NFIB: variants seen among roughly 807,000 people sequenced by gnomAD.
NFIB encodes the protein nuclear factor I B.
NFIB carries 11 observed loss-of-function variants against 61.5 expected under a neutral mutation model. The observed-to-expected ratio is 0.18, with a 90% CI of 0.11 to 0.30. NFIB has a LOEUF of 0.30. Among genes scored for constraint, NFIB ranks in the 10% least tolerant of loss-of-function variants. The pLI is 1.00. For missense variants in NFIB, 471 were observed against 608.9 expected (o/e 0.77, Z 2.38); for synonymous variants, 260 against 216.5 (o/e 1.20, Z -1.76).
chr9:14,304,259 A>G (rs1176830726), intron 2 of NFIB, among the ~76,000 whole-genome samples: 2 of 152,250 alleles, frequency 1.3e-5, no homozygotes, highest in Non-Finnish European at 2.9e-5. Context: ...GGGTTGAACC[A>G]AAAGAGAAAG....
chr9:14,426,207 T>C, the NFIB span, among the ~76,000 whole-genome samples: 1 of 152,076 alleles, frequency 6.6e-6, no homozygotes, highest in East Asian at 1.9e-4. Flanking sequence ...CAGAGCGCTC[T>C]GTTCATAGCA....
chr9:14,421,114 A>G, the NFIB span, among the ~76,000 whole-genome samples: 1 of 150,844 alleles, frequency 6.6e-6, no homozygotes, highest in East Asian at 1.9e-4. Flanking sequence ...CATGTATACC[A>G]TGTGCAAAAC....
the NFIB span, among the ~76,000 whole-genome samples, chr9:14,410,858 T>A: frequency 6.6e-6 from 1 of 152,232 alleles, no homozygotes. Context: ...AAATTCAGAC[T>A]CATTCATTTC....
At chr9:14,116,691 C>A (rs2038197235) in intron 8 of NFIB, among the ~76,000 whole-genome samples, 1 of 152,252 alleles carries the variant, frequency 6.6e-6, no homozygotes, top group Non-Finnish European at 1.5e-5. Flanking sequence ...GAATTCCTTA[C>A]TGAACTAGCT....
chr9:14,307,799 C>A lies in NFIB; in HGVS notation c.31-279G>T. On this transcript the variant is annotated intron_variant, in intron 1 of 10. Transcript: ENST00000380953. The surrounding 1 kb of genome is among the most constrained non-coding windows in gnomAD (Gnocchi z 5.3). ...TTGTATTACACTCTGGCCCCATCCC[C>A]CTTGTTTCCACCCCAATGCCATGCA... The A allele has an allele frequency of 3.5e-6, 1 of 285,730 alleles. No individual in the cohort carries two copies. The highest frequency in any genetic ancestry group is 6.6e-6 in the Non-Finnish European group (1 of 152,260). The allele number at this position is 285,730 out of a possible 1,614,324, so 17.7% of individuals were successfully genotyped here.
At chr9:14,148,498 C>T (rs747058448) in intron 5 of NFIB, among the ~76,000 whole-genome samples, 24 of 152,036 alleles carry the variant, frequency 1.6e-4, no homozygotes, top group Admixed American at 3.9e-4. Context: ...ATTCACTTTT[C>T]GCAGCAATAA....
intron 2 of NFIB, among the ~76,000 whole-genome samples, chr9:14,277,373 T>C (rs2058074202): frequency 1.3e-5 from 2 of 149,958 alleles, no homozygotes; most frequent in South Asian, 2.1e-4. Flanking sequence ...ACACACATTT[T>C]TGAATCATTA....
the NFIB span, among the ~76,000 whole-genome samples, chr9:14,426,663 A>T: frequency 6.6e-6 from 1 of 152,166 alleles, no homozygotes; most frequent in Non-Finnish European, 1.5e-5. Flanking sequence ...CCCTTCCTCC[A>T]ACCATTCCTC....
At chr9:14,308,265 CAGA>C (rs1380118402) in intron 1 of NFIB, among the ~76,000 whole-genome samples, 8 of 152,126 alleles carry the variant, frequency 5.3e-5, no homozygotes, top group Admixed American at 2.6e-4. Context: ...GTGTCCTGAA[CAGA>C]AGGTTTCCAT....
chr9:14,306,852 G>A (rs1205079729), intron 2 of NFIB, 137 bp downstream of exon 2: 7 of 1,010,100 alleles, frequency 6.9e-6, no homozygotes, highest in African/African-American at 6.4e-5. Context: ...GAGTGAAAGC[G>A]GACACCCTAC....
At chr9:14,257,894 A>AT (rs150629739) in intron 2 of NFIB, among the ~76,000 whole-genome samples, 2,848 of 151,822 alleles carry the variant, frequency 0.019, 94 homozygotes, top group African/African-American at 0.064. Context: ...AAAAAATGAG[A>AT]TTTTTTTTTA....
At chr9:14,305,197 G>A (rs572291267) in intron 2 of NFIB, among the ~76,000 whole-genome samples, 1 of 152,058 alleles carries the variant, frequency 6.6e-6, no homozygotes, top group Non-Finnish European at 1.5e-5. Context: ...AAAACTAAGA[G>A]AGCTGGCTGC....
chr9:14,485,773 G>C, the NFIB span, among the ~76,000 whole-genome samples: 5 of 152,094 alleles, frequency 3.3e-5, no homozygotes, highest in Admixed American at 3.3e-4. Context: ...TACTCAGGAG[G>C]CTGAGGCAGG....
At chr9:14,225,212 T>C (rs1302068137) in intron 2 of NFIB, among the ~76,000 whole-genome samples, 2 of 152,074 alleles carry the variant, frequency 1.3e-5, no homozygotes, top group African/African-American at 4.8e-5. Flanking sequence ...ACATTTGCTT[T>C]GGATATCCAA....
At chr9:14,450,431 G>A in the NFIB span, among the ~76,000 whole-genome samples, 8 of 152,070 alleles carry the variant, frequency 5.3e-5, no homozygotes, top group East Asian at 1.9e-4. Context: ...ATTATAGTTC[G>A]TTTCAAGAAC....
At chr9:14,154,405 C>T (rs1383884805) in intron 4 of NFIB, among the ~76,000 whole-genome samples, 1 of 152,152 alleles carries the variant, frequency 6.6e-6, no homozygotes. Flanking sequence ...ACACACACCC[C>T]TTCAGATAAC....
intron 2 of NFIB, among the ~76,000 whole-genome samples, chr9:14,255,513 A>AT (rs1293806335): frequency 6.6e-6 from 1 of 152,184 alleles, no homozygotes; most frequent in Non-Finnish European, 1.5e-5. Context: ...ACCAAACATG[A>AT]TATAAAAATC....
intron 1 of NFIB, among the ~76,000 whole-genome samples, chr9:14,355,591 GCTTC>G (rs749849805): frequency 3.9e-5 from 6 of 152,156 alleles, no homozygotes; most frequent in Non-Finnish European, 1.5e-5. Flanking sequence ...AGCAGGGCTG[GCTTC>G]CTGGGTGTGT....
At chr9:14,090,394 T>C (rs954165570) in intron 10 of NFIB, among the ~76,000 whole-genome samples, 13 of 152,272 alleles carry the variant, frequency 8.5e-5, no homozygotes, top group Admixed American at 6.5e-4. Context: ...TTGGGAACAA[T>C]GTTACATAAT....
Sources: gnomAD v4.1 joint callset for allele counts (sites outside exome capture counted in the v4.1 genomes callset) on GRCh38, gnomAD v4.1.1 for gene constraint, Gnocchi (gnomAD v3.1) non-coding constraint, MANE v1.5 for transcripts, NCBI Gene and HGNC (gene_info 2026-07-23, HGNC 2026-07-21) for gene names.